Variants in CELF1 observed in about 807,000 individuals in gnomAD.
CELF1 encodes the protein 50 kDa nuclear polyadenylated RNA-binding protein.
CELF1 carries 10 observed loss-of-function variants against 61.8 expected under a neutral mutation model. The observed-to-expected ratio is 0.16, with a 90% confidence interval of 0.10 to 0.27. The LOEUF is 0.27. Among genes scored for constraint, CELF1 ranks in the 10% least tolerant of loss-of-function variants. The pLI is 1.00. For synonymous variants in CELF1, 236 were observed against 225.1 expected (o/e 1.05, Z -0.43); for missense variants, 380 against 639.1 (o/e 0.59, Z 4.37).
chr11:47,516,546 T>C (rs556535176), intron 1 of CELF1, among the ~76,000 whole-genome samples: 8 of 152,278 alleles, frequency 5.3e-5, no homozygotes, highest in South Asian at 2.1e-4. Context: ...TTTAGGGTAA[T>C]TGCTTGACTG....
chr11:47,536,383 T>C (rs1432969677), intron 1 of CELF1, among the ~76,000 whole-genome samples: 5 of 152,098 alleles, frequency 3.3e-5, no homozygotes, highest in Admixed American at 1.3e-4. Context: ...GATAGATAGA[T>C]AGACAGACTG....
rs374649484 is a variant in CELF1, at chr11:47,547,593, C to T, written c.-154+5399G>A. Among the ~76,000 whole-genome samples, 8 of 149,040 alleles carry T rather than the reference C, an allele frequency of 5.4e-5. No individual in the cohort carries two copies. The East Asian group carries it at 1.6e-3, about 30-fold the overall frequency. On this transcript the variant is annotated intron_variant, in intron 1 of 14. Transcript: ENST00000687097. ...TCAGGAGGCTGAGGCAGCTTGAACC[C>T]GGGAGGCGGAGGTTACAGTGAGCCG...
intron 1 of CELF1, among the ~76,000 whole-genome samples, chr11:47,534,159 G>A (rs1053026217): frequency 1.3e-5 from 2 of 149,206 alleles, no homozygotes; most frequent in African/African-American, 4.9e-5. Context: ...CTCCGAAGTA[G>A]CTGAGATTAC....
At chr11:47,538,642 C>CAA (rs33969247) in intron 1 of CELF1, among the ~76,000 whole-genome samples, 1,737 of 108,288 alleles carry the variant, frequency 0.016, 22 homozygotes, top group South Asian at 0.018. Flanking sequence ...GACTCCGTCT[C>CAA]AAAAAAAAAA....
intron 13 of CELF1, 91 bp downstream of exon 13, chr11:47,475,245 C>G: frequency 8.3e-7 from 1 of 1,205,532 alleles, no homozygotes; most frequent in East Asian, 2.3e-5. Flanking sequence ...GACGACCTAA[C>G]TGGTTCCCTC....
At chr11:47,564,842 CT>C (rs1015681651) in intron 1 of CELF1, among the ~76,000 whole-genome samples, 4 of 152,104 alleles carry the variant, frequency 2.6e-5, no homozygotes, top group African/African-American at 9.7e-5. Flanking sequence ...TTCTTCTTAC[CT>C]TTTTGTAGGT....
intron 1 of CELF1, among the ~76,000 whole-genome samples, chr11:47,525,504 G>A (rs1206429917): frequency 6.6e-6 from 1 of 152,136 alleles, no homozygotes; most frequent in Non-Finnish European, 1.5e-5. Flanking sequence ...TAGAGATGGG[G>A]TTTCACCATG....
intron 1 of CELF1, among the ~76,000 whole-genome samples, chr11:47,506,422 C>A (rs1187954518): frequency 6.6e-6 from 1 of 150,730 alleles, no homozygotes; most frequent in Non-Finnish European, 1.5e-5. Context: ...GAGCGAGACT[C>A]CGGCTCAAAA....
intron 1 of CELF1, among the ~76,000 whole-genome samples, chr11:47,548,621 T>C (rs545477528): frequency 6.6e-6 from 1 of 151,972 alleles, no homozygotes; most frequent in Non-Finnish European, 1.5e-5. Flanking sequence ...ATCCCAGTAC[T>C]TTGGGAGGTC....
At chr11:47,539,868 A>C (rs1407491558) in intron 1 of CELF1, among the ~76,000 whole-genome samples, 5 of 152,156 alleles carry the variant, frequency 3.3e-5, no homozygotes, top group Non-Finnish European at 7.4e-5. Flanking sequence ...AATGACCTTC[A>C]CTGCTTCCAC....
At chr11:47,512,845 T>C (rs1399883240) in intron 1 of CELF1, among the ~76,000 whole-genome samples, 1 of 152,080 alleles carries the variant, frequency 6.6e-6, no homozygotes, top group Non-Finnish European at 1.5e-5. Flanking sequence ...GAGAGCCAAG[T>C]AAACAGATAA....
chr11:47,501,632 T>C (rs950354059), intron 1 of CELF1, among the ~76,000 whole-genome samples: 1 of 151,692 alleles, frequency 6.6e-6, no homozygotes, highest in Non-Finnish European at 1.5e-5. Flanking sequence ...CTGGCTAAGA[T>C]AGTGAAACCC....
chr11:47,515,794 C>T (rs1351513412), intron 1 of CELF1, among the ~76,000 whole-genome samples: 1 of 152,288 alleles, frequency 6.6e-6, no homozygotes, highest in Middle Eastern at 3.4e-3. Flanking sequence ...ACCTGGGTTC[C>T]ACAACCAACC....
intron 2 of CELF1, among the ~76,000 whole-genome samples, chr11:47,558,148 C>T (rs1383080373): frequency 2.0e-5 from 3 of 152,128 alleles, no homozygotes; most frequent in African/African-American, 7.2e-5. Context: ...TGAGCCACCG[C>T]GCATGGCCGG....
At chr11:47,545,919 T>TAC (rs2096933191) in intron 1 of CELF1, among the ~76,000 whole-genome samples, 11 of 130,266 alleles carry the variant, frequency 8.4e-5, no homozygotes, top group Admixed American at 7.0e-4. Context: ...ATATATATTT[T>TAC]TTTTTTTTTG....
At chr11:47,541,711 AAAG>A (rs1565904327) in intron 1 of CELF1, among the ~76,000 whole-genome samples, 288 of 3,918 alleles carry the variant, frequency 0.074, 10 homozygotes, top group African/African-American at 0.12. Flanking sequence ...AGAAAGAAAG[AAAG>A]AAAGAAAGAA....
chr11:47,542,022 T>C (rs1565905251), intron 1 of CELF1, among the ~76,000 whole-genome samples: 1 of 152,134 alleles, frequency 6.6e-6, no homozygotes, highest in Non-Finnish European at 1.5e-5. Flanking sequence ...CAAAGCTGAA[T>C]GTAGCTATAA....
intron 1 of CELF1, among the ~76,000 whole-genome samples, chr11:47,507,662 T>A (rs574438138): frequency 6.6e-6 from 1 of 152,252 alleles, no homozygotes; most frequent in African/African-American, 2.4e-5. Context: ...CTACAGACAA[T>A]AAACTATTCA....
intron 1 of CELF1, chr11:47,524,396 C>T (rs1476095102): frequency 6.6e-6 from 1 of 152,204 alleles, no homozygotes; most frequent in Non-Finnish European, 1.5e-5. Context: ...GGTACCCTCT[C>T]GCCAAGACGG....
Sources: gnomAD v4.1 joint callset for allele counts (sites outside exome capture counted in the v4.1 genomes callset) on GRCh38, gnomAD v4.1.1 for gene constraint, MANE v1.5 for transcripts, NCBI Gene and HGNC (gene_info 2026-07-23, HGNC 2026-07-21) for gene names.